The following SYMPK variants were observed in gnomAD, a reference collection of about 807,000 sequenced individuals.
The protein encoded by SYMPK is symplekin scaffold protein.
Under a neutral mutation model 136.4 loss-of-function variants are expected in SYMPK, and 49 were observed. The ratio of observed to expected loss-of-function variants is 0.36; its 90% CI spans 0.29 to 0.46. The LOEUF is 0.46. Among genes scored for constraint, SYMPK ranks in the 20% least tolerant of loss-of-function variants. The pLI is 1.00. For synonymous variants in SYMPK, 766 were observed against 713.0 expected, an observed-to-expected ratio of 1.07 and a Z score of -1.19; for missense variants, 1,365 against 1,690.0, an observed-to-expected ratio of 0.81 and a Z score of 3.37.
rs377217432 is a variant in SYMPK, at chr19:45,821,497, G to A, written c.2792-12C>T. The A allele has an allele frequency of 5.5e-5, 88 of 1,597,854 alleles. No homozygotes were observed. The African/African-American group carries it at 9.4e-4, about 17-fold the overall frequency. ...TGAGTTTCCCTCACCTGCAGCAGGCGGGAGGAAGGGTGGGGGAAGACAGTG... is the reference window on the plus strand; with the variant it reads ...TGAGTTTCCCTCACCTGCAGCAGGCAGGAGGAAGGGTGGGGGAAGACAGTG... On this transcript the variant is annotated splice_polypyrimidine_tract_variant and intron_variant, in intron 21 of 26. Coordinates refer to ENST00000245934, the MANE Select transcript of SYMPK (RefSeq NM_004819.3). This position sits in a 1 kb window ranked among gnomAD's most constrained non-coding sequence, Gnocchi z 4.4.
At chr19:45,839,700 C>T (rs1055005317) in intron 9 of SYMPK, among the ~76,000 whole-genome samples, 8 of 152,008 alleles carry the variant, frequency 5.3e-5, no homozygotes, top group Non-Finnish European at 1.2e-4. Flanking sequence ...GGGCAGATGG[C>T]GGGCACCTGT....
chr19:45,825,746 T>C (rs922887947), intron 17 of SYMPK, among the ~76,000 whole-genome samples: 2 of 152,094 alleles, frequency 1.3e-5, no homozygotes, highest in Non-Finnish European at 2.9e-5. Context: ...AGGGCCCTGG[T>C]CTCTTTGCCT....
intron 7 of SYMPK, among the ~76,000 whole-genome samples, chr19:45,846,807 T>C (rs534656992): frequency 6.8e-6 from 1 of 146,554 alleles, no homozygotes; most frequent in Non-Finnish European, 1.5e-5. Context: ...GTACTTTTTT[T>C]TTTTTTGAGA....
intron 1 of SYMPK, chr19:45,854,914 G>C (rs1304632968): frequency 5.7e-6 from 1 of 175,862 alleles, no homozygotes; most frequent in African/African-American, 2.6e-5. Context: ...GTCTTGCTCT[G>C]TCACCCAGGT....
intron 12 of SYMPK, chr19:45,830,512 G>A: frequency 3.0e-6 from 1 of 333,132 alleles, no homozygotes. Flanking sequence ...CCTTAGGTGG[G>A]AACAGACTTG....
In SYMPK at chr19:45,818,059, AG is replaced by A; in HGVS notation, c.2980del (p.Leu994CysfsTer6). 6.4e-7 allele frequency: 1 copy of A among 1,566,432 alleles called. No individual in the cohort carries two copies. On this transcript the variant is annotated frameshift_variant, in exon 23 of 27. Coordinates refer to ENST00000245934, the MANE Select transcript of SYMPK (RefSeq NM_004819.3). LOFTEE classifies it high-confidence loss of function. ...VMQQLMEQSPLPMLLMRTVIQ... is the reference protein window; with the variant it reads ...VMQQLMEQSPXPMLLMRTVIQ... ...GACGGTCCTCATGAGCAGCATGGGCAGGGGGCTCTGCTCCATCAGCTGCTGC... is the reference window on the plus strand; with the variant it reads ...GACGGTCCTCATGAGCAGCATGGGCAGGGGCTCTGCTCCATCAGCTGCTGC...
Position 45,852,531 on chromosome 19 carries a change from T to C in SYMPK, c.176A>G (p.Gln59Arg), listed in dbSNP as rs751940340. ...DSKITVLKQVQELIINKDPTL... is the reference protein window; with the variant it reads ...DSKITVLKQVRELIINKDPTL... ...GGGGTCTTTGTTGATGATCAGCTCC[T>C]GGACCTGGAAGGAGATTGGGGGTGG... Residue 59 changes from glutamine (Q) to arginine (R), a missense_variant, in exon 4 of 27, where the codon CAG (glutamine) becomes CGG (arginine). Coordinates refer to ENST00000245934, the MANE Select transcript of SYMPK (RefSeq NM_004819.3). 9 of 1,614,112 alleles carry C rather than the reference T, an allele frequency of 5.6e-6. No homozygotes were observed. Among genetic ancestry groups the C allele is most frequent in the South Asian group, 1.1e-5 (1 of 91,072 alleles).
intron 11 of SYMPK, among the ~76,000 whole-genome samples, chr19:45,832,660 T>A (rs527470218): frequency 1.3e-5 from 2 of 152,134 alleles, no homozygotes; most frequent in East Asian, 3.9e-4. Context: ...GACAGAATAC[T>A]ACTGAGCAAT....
intron 13 of SYMPK, 123 bp from the exon 14 acceptor site, chr19:45,829,328 G>C (rs1255423910): frequency 1.5e-5 from 13 of 869,528 alleles, no homozygotes; most frequent in Non-Finnish European, 2.3e-5. Flanking sequence ...AGTGAAGCGA[G>C]GAAGGCCAGC....
At chr19:45,854,606 C>T in intron 1 of SYMPK, 99 bp from the exon 2 acceptor site, 1 of 928,890 alleles carries the variant, frequency 1.1e-6, no homozygotes. Flanking sequence ...CCCAAGCCTC[C>T]TTCCCAGGCT....
chr19:45,852,877 C>G (rs572327508), intron 3 of SYMPK, among the ~76,000 whole-genome samples: 1 of 152,280 alleles, frequency 6.6e-6, no homozygotes, highest in East Asian at 1.9e-4. Flanking sequence ...CTCAGGCCTT[C>G]CTGAGGTTTG....
chr19:45,823,257 T>C (rs1970951917), intron 20 of SYMPK, 115 bp downstream of exon 20: 2 of 1,050,646 alleles, frequency 1.9e-6, no homozygotes, highest in South Asian at 1.3e-5. Flanking sequence ...CAAGGTGCCT[T>C]CTGCCCTCTG....
At chr19:45,831,017 CA>C (rs1296660689) in intron 12 of SYMPK, 25 of 168,558 alleles carry the variant, frequency 1.5e-4, no homozygotes, top group Non-Finnish European at 2.8e-4. Flanking sequence ...TACTACACAA[CA>C]GGAACCACGC....
At chr19:45,818,196 G>T in intron 22 of SYMPK, 50 bp from the exon 23 acceptor site, 1 of 1,476,870 alleles carries the variant, frequency 6.8e-7, no homozygotes, top group South Asian at 1.4e-5. Flanking sequence ...GCTGCCCCCT[G>T]GGAGGTGGGA....
intron 14 of SYMPK, chr19:45,828,663 G>A (rs1036416100): frequency 7.0e-6 from 3 of 426,314 alleles, no homozygotes; most frequent in Non-Finnish European, 1.3e-5. Flanking sequence ...CCAGGCCCAT[G>A]GGTGAGCACT....
chr19:45,852,311 C>T lies in SYMPK; in HGVS notation c.299+1G>A. 1 of 1,614,246 alleles carries T rather than the reference C, an allele frequency of 6.2e-7. No homozygotes were observed. The highest frequency in any genetic ancestry group is 8.5e-7 in the Non-Finnish European group (1 of 1,180,036). On this transcript the variant is annotated splice_donor_variant, in intron 5 of 26. Coordinates refer to ENST00000245934, the MANE Select transcript of SYMPK (RefSeq NM_004819.3). LOFTEE classifies it high-confidence loss of function. The stretch of plus-strand genomic sequence containing the variant: ...CCGGGGCTCCGTGCCTCGCCCCATA[C>T]CATGCCTCCTCGATGAAGCCGATGA...
chr19:45,858,818 G>A (rs952621197), intron 1 of SYMPK, among the ~76,000 whole-genome samples: 1 of 151,924 alleles, frequency 6.6e-6, no homozygotes, highest in African/African-American at 2.4e-5. Flanking sequence ...CCCGGCCGAC[G>A]ACCATATTTC....
Position 45,816,140 on chromosome 19 carries a change from C to T in SYMPK, c.3398G>A (p.Arg1133Gln), listed in dbSNP as rs1478222874. 6.5e-7 allele frequency: 1 copy of T among 1,548,858 alleles called. No individual in the cohort carries two copies. The highest frequency in any genetic ancestry group is 8.7e-7 in the Non-Finnish European group (1 of 1,144,034). The change falls in exon 26 of 27, where the codon CGG (arginine) becomes CAG (glutamine). Residue 1133 changes from arginine to glutamine, a missense_variant. Physicochemically the swap from Arg to Gln is conservative, Grantham distance 43. This residue lies in a region of SYMPK where 341 missense variants were observed against 270.5 expected (regional missense o/e 1.26). Coordinates refer to ENST00000245934, the MANE Select transcript of SYMPK (RefSeq NM_004819.3). ...CAGGCCGATGAGGTCCTGAGGGGGCCGGGGTGCTGGGGCCGGGGCCAAGGT... is the reference window on the plus strand; with the variant it reads ...CAGGCCGATGAGGTCCTGAGGGGGCTGGGGTGCTGGGGCCGGGGCCAAGGT... ...PLTLAPAPAP[R>Q]PPQDLIGLRL... is the part of the protein sequence containing the mutation.
intron 23 of SYMPK, among the ~76,000 whole-genome samples, chr19:45,817,415 C>T (rs1970775335): frequency 1.0e-5 from 1 of 100,174 alleles, no homozygotes; most frequent in Non-Finnish European, 2.0e-5. Flanking sequence ...TTTTTTTGTT[C>T]TCTTTTTTTT....
Sources: gnomAD v4.1 joint callset for allele counts (sites outside exome capture counted in the v4.1 genomes callset) on GRCh38, gnomAD v4.1.1 for gene constraint, gnomAD v4.1.1 regional missense constraint, Gnocchi (gnomAD v3.1) non-coding constraint, MANE v1.5 for transcripts, NCBI Gene and HGNC (gene_info 2026-07-23, HGNC 2026-07-21) for gene names.